Variants in IKZF1 observed in about 807,000 individuals in gnomAD.
The protein encoded by IKZF1 is IKAROS family zinc finger 1.
A neutral mutation model predicts 51.7 loss-of-function variants in IKZF1; 10 were observed. The observed-to-expected ratio is 0.19, with a 90% CI of 0.12 to 0.33. The LOEUF (loss-of-function observed/expected upper bound fraction) is 0.33. IKZF1 is among the 10% of genes least tolerant of loss of function. The probability of loss-of-function intolerance (pLI) is 1.00; values close to 1 mark genes in which losing one functional copy is unlikely to be tolerated. For missense variants in IKZF1, 484 were observed against 707.5 expected (o/e 0.68, Z 3.58); for synonymous variants, 280 against 282.3 (o/e 0.99, Z 0.08).
chr7:50,378,866 T>C (rs1446263580), intron 4 of IKZF1, among the ~76,000 whole-genome samples: 2 of 152,252 alleles, frequency 1.3e-5, no homozygotes, highest in Admixed American at 6.5e-5. Flanking sequence ...TCATCATGCA[T>C]TTCCACTTGC....
intron 3 of IKZF1, among the ~76,000 whole-genome samples, chr7:50,343,259 T>C (rs1799530890): frequency 7.1e-6 from 1 of 141,166 alleles, no homozygotes; most frequent in South Asian, 2.6e-4. Flanking sequence ...TCTTTCCCTT[T>C]CCTCCTTCCT....
chr7:50,312,501 A>G (rs1335041021), intron 1 of IKZF1, among the ~76,000 whole-genome samples: 2 of 152,132 alleles, frequency 1.3e-5, no homozygotes, highest in African/African-American at 4.8e-5. Flanking sequence ...CTCCAACTCC[A>G]CTTTCTCTAT....
intron 3 of IKZF1, among the ~76,000 whole-genome samples, chr7:50,348,307 T>A (rs1158127568): frequency 6.6e-6 from 1 of 152,222 alleles, no homozygotes; most frequent in Admixed American, 6.5e-5. Flanking sequence ...AGAATCCATG[T>A]TAGTCCTAGC....
intron 5 of IKZF1, among the ~76,000 whole-genome samples, chr7:50,384,234 G>T (rs1812699047): frequency 1.3e-5 from 2 of 152,190 alleles, no homozygotes; most frequent in Admixed American, 1.3e-4. Flanking sequence ...CAAGAACTCG[G>T]TCTCACTCCT....
At chr7:50,313,570 A>C (rs1790718220) in intron 1 of IKZF1, among the ~76,000 whole-genome samples, 1 of 152,218 alleles carries the variant, frequency 6.6e-6, no homozygotes, top group Non-Finnish European at 1.5e-5. Context: ...ACTGGGCTGC[A>C]ACATTCTGAT....
At chr7:50,355,838 C>T (rs900241280) in intron 3 of IKZF1, among the ~76,000 whole-genome samples, 2 of 152,170 alleles carry the variant, frequency 1.3e-5, no homozygotes, top group East Asian at 1.9e-4. Context: ...CTGTGAACTC[C>T]GAGGCCACAG....
chr7:50,310,218 G>A (rs1789833665), intron 1 of IKZF1, among the ~76,000 whole-genome samples: 1 of 152,182 alleles, frequency 6.6e-6, no homozygotes, highest in African/African-American at 2.4e-5. Context: ...ATGAGGTTGT[G>A]TATGTTTGCT....
chr7:50,313,043 G>A (rs1367401142), intron 1 of IKZF1, among the ~76,000 whole-genome samples: 1 of 152,268 alleles, frequency 6.6e-6, no homozygotes, highest in Non-Finnish European at 1.5e-5. Flanking sequence ...AACCTGTTTT[G>A]TCAAATTGTT....
intron 3 of IKZF1, among the ~76,000 whole-genome samples, chr7:50,372,573 C>T (rs1174960262): frequency 6.6e-6 from 1 of 152,218 alleles, no homozygotes. Flanking sequence ...CTTGGCCTTG[C>T]CCATAGTGAT....
chr7:50,311,045 G>GA (rs1231997530), intron 1 of IKZF1, among the ~76,000 whole-genome samples: 2 of 152,078 alleles, frequency 1.3e-5, no homozygotes, highest in Non-Finnish European at 2.9e-5. Context: ...TAGTTATTAT[G>GA]AAAAAAATCT....
chr7:50,353,173 A>C (rs764243529), intron 3 of IKZF1, among the ~76,000 whole-genome samples: 3 of 152,228 alleles, frequency 2.0e-5, no homozygotes, highest in Non-Finnish European at 4.4e-5. Context: ...CAGGCACAGG[A>C]GGCAGGGAGA....
Position 50,315,974 on chromosome 7 carries a change from G to A in IKZF1, c.-14-3074G>A, listed in dbSNP as rs565365681. 1.6e-4 allele frequency among the ~76,000 whole-genome samples: 25 copies of A among 152,250 alleles called. 1 individual carries two copies. The South Asian group carries it at 4.8e-3, about 29-fold the overall frequency. On this transcript the variant is annotated intron_variant, in intron 1 of 7. Transcript: ENST00000331340. ...TTAAGTGCCCTTCTAGACACTTCAG[G>A]CTCCCCTTTGTAAGCTGTCTTGGAA...
At chr7:50,380,556 C>T (rs966140547) in intron 4 of IKZF1, among the ~76,000 whole-genome samples, 1 of 152,178 alleles carries the variant, frequency 6.6e-6, no homozygotes, top group African/African-American at 2.4e-5. Context: ...TAGGGTCATA[C>T]CACAAACACT....
chr7:50,345,758 G>T (rs923070004), intron 3 of IKZF1, among the ~76,000 whole-genome samples: 6 of 152,208 alleles, frequency 3.9e-5, no homozygotes, highest in African/African-American at 1.2e-4. Flanking sequence ...AAGCAATTCT[G>T]CCTGGTTTGT....
At chr7:50,334,250 C>A (rs1167926932) in intron 3 of IKZF1, among the ~76,000 whole-genome samples, 1 of 152,116 alleles carries the variant, frequency 6.6e-6, no homozygotes, top group Non-Finnish European at 1.5e-5. Context: ...TTGGAATAGA[C>A]CGGTGAGATC....
At chr7:50,377,028 A>C (rs1453432759) in intron 4 of IKZF1, 1 of 638,010 alleles carries the variant, frequency 1.6e-6, no homozygotes, top group Admixed American at 3.2e-5. Flanking sequence ...AACAAGGGAA[A>C]AGTGAACAGC....
intron 7 of IKZF1, 76 bp downstream of exon 7, chr7:50,391,939 G>A (rs182416303): frequency 8.9e-6 from 13 of 1,460,240 alleles, no homozygotes; most frequent in African/African-American, 8.5e-5. Flanking sequence ...ATGAGTTGAG[G>A]GTGGAAGAAA....
chr7:50,342,901 A>G (rs1799390171), intron 3 of IKZF1, among the ~76,000 whole-genome samples: 1 of 152,108 alleles, frequency 6.6e-6, no homozygotes, highest in Admixed American at 6.5e-5. Flanking sequence ...TCCTGAGTAC[A>G]CCATGATCCA....
intron 3 of IKZF1, chr7:50,367,899 G>A (rs2153455937): frequency 1.6e-6 from 1 of 606,082 alleles, no homozygotes; most frequent in East Asian, 2.7e-5. Flanking sequence ...GTGGTTTTGA[G>A]TAATAAAACG....
Sources: gnomAD v4.1 joint callset for allele counts (sites outside exome capture counted in the v4.1 genomes callset) on GRCh38, gnomAD v4.1.1 for gene constraint, MANE v1.5 for transcripts, NCBI Gene and HGNC (gene_info 2026-07-23, HGNC 2026-07-21) for gene names.